COX7B2: variants seen among roughly 807,000 people sequenced by gnomAD.
COX7B2 encodes the protein cytochrome c oxidase subunit 7B2, mitochondrial.
For synonymous variants in COX7B2, 37 were observed against 32.1 expected (o/e 1.15, Z -0.51); for missense variants, 109 against 95.9 (o/e 1.14, Z -0.57).
intron 1 of COX7B2, among the ~76,000 whole-genome samples, chr4:46,867,376 A>C (rs1242345533): frequency 6.6e-6 from 1 of 152,182 alleles, no homozygotes; most frequent in East Asian, 1.9e-4. Context: ...GACCAGATGA[A>C]ATCAAGAAAC....
At chr4:46,788,105 A>G (rs1325026615) in intron 2 of COX7B2, among the ~76,000 whole-genome samples, 1 of 152,196 alleles carries the variant, frequency 6.6e-6, no homozygotes, top group Non-Finnish European at 1.5e-5. Context: ...AAAACAAGAG[A>G]AAAAAAGTAA....
At chr4:46,761,629 G>A (rs889952436) in intron 2 of COX7B2, among the ~76,000 whole-genome samples, 5 of 152,028 alleles carry the variant, frequency 3.3e-5, no homozygotes, top group South Asian at 2.1e-4. Flanking sequence ...TCTGAAATCC[G>A]AATGTTTGGA....
chr4:46,836,053 G>C (rs1270171206), intron 2 of COX7B2, among the ~76,000 whole-genome samples: 2 of 152,186 alleles, frequency 1.3e-5, no homozygotes, highest in Non-Finnish European at 2.9e-5. Flanking sequence ...GAGCTTGCAA[G>C]ACTGGAAATT....
At chr4:46,873,540 G>A (rs1718136348) in intron 1 of COX7B2, among the ~76,000 whole-genome samples, 1 of 151,976 alleles carries the variant, frequency 6.6e-6, no homozygotes, top group Non-Finnish European at 1.5e-5. Flanking sequence ...ATCTCATTGT[G>A]GTTTTGATTT....
chr4:46,780,238 C>T (rs1000963620), intron 2 of COX7B2, among the ~76,000 whole-genome samples: 7 of 152,116 alleles, frequency 4.6e-5, no homozygotes, highest in South Asian at 2.1e-4. Flanking sequence ...CCCTGCTGGC[C>T]GGGCACGGTG....
intron 1 of COX7B2, among the ~76,000 whole-genome samples, chr4:46,851,788 C>G (rs756410504): frequency 6.6e-6 from 1 of 151,960 alleles, no homozygotes. Flanking sequence ...ATTACAATGA[C>G]GTTATGTATT....
intron 2 of COX7B2, among the ~76,000 whole-genome samples, chr4:46,770,757 G>A (rs897543586): frequency 2.0e-5 from 3 of 152,074 alleles, no homozygotes; most frequent in Admixed American, 6.5e-5. Context: ...CTGGTGTTGG[G>A]AAAATTGTTT....
chr4:46,838,770 T>C (rs1473152223), intron 2 of COX7B2, among the ~76,000 whole-genome samples: 1 of 152,074 alleles, frequency 6.6e-6, no homozygotes, highest in African/African-American at 2.4e-5. Context: ...TTGGAAGAAG[T>C]GGTAATGTGC....
At chr4:46,786,098 A>G (rs1332952180) in intron 2 of COX7B2, among the ~76,000 whole-genome samples, 1 of 152,240 alleles carries the variant, frequency 6.6e-6, no homozygotes, top group African/African-American at 2.4e-5. Flanking sequence ...GATTAAAAAA[A>G]AAATGAAAAC....
chr4:46,777,087 G>T lies in COX7B2; in HGVS notation c.-49-41846C>A, dbSNP rs533468485. On this transcript the variant is annotated intron_variant, in intron 2 of 2. Transcript: ENST00000355591. ...CATCCAGAGTAAATGTAATATATAT[G>T]TGTGTTAGTAAGCTCATGCCATGGT... 4.3e-4 allele frequency among the ~76,000 whole-genome samples: 65 copies of T among 152,214 alleles called. No homozygotes were observed. In the South Asian group the frequency reaches 7.5e-3, roughly 17 times the overall value.
At chr4:46,758,959 CT>C in intron 2 of COX7B2, among the ~76,000 whole-genome samples, 1 of 152,194 alleles carries the variant, frequency 6.6e-6, no homozygotes, top group Non-Finnish European at 1.5e-5. Context: ...TCAAAACTGC[CT>C]AAAGGGGCAC....
chr4:46,888,495 G>A (rs1419153626), intron 1 of COX7B2, among the ~76,000 whole-genome samples: 1 of 151,108 alleles, frequency 6.6e-6, no homozygotes, highest in African/African-American at 2.4e-5. Flanking sequence ...CCAGGCTGGA[G>A]TGCAGTGGCG....
At chr4:46,762,005 C>T (rs1286164075) in intron 2 of COX7B2, among the ~76,000 whole-genome samples, 1 of 151,116 alleles carries the variant, frequency 6.6e-6, no homozygotes, top group Non-Finnish European at 1.5e-5. Flanking sequence ...CTCATAAATG[C>T]TAGTGTCAGC....
intron 1 of COX7B2, among the ~76,000 whole-genome samples, chr4:46,850,921 T>A (rs1334090878): frequency 6.6e-6 from 1 of 152,104 alleles, no homozygotes; most frequent in Non-Finnish European, 1.5e-5. Context: ...TGACATTCAA[T>A]GAGGACCGGT....
chr4:46,739,733 C>T (rs1007000305), intron 2 of COX7B2, among the ~76,000 whole-genome samples: 3 of 152,000 alleles, frequency 2.0e-5, no homozygotes, highest in African/African-American at 7.2e-5. Context: ...AACGTAAGCA[C>T]ACAGGCTGGA....
At chr4:46,760,299 A>G (rs1035412628) in intron 2 of COX7B2, among the ~76,000 whole-genome samples, 1 of 152,164 alleles carries the variant, frequency 6.6e-6, no homozygotes, top group African/African-American at 2.4e-5. Context: ...AAAGACTTGG[A>G]ACCAACCCAA....
At chr4:46,813,820 T>C (rs1719411794) in intron 2 of COX7B2, among the ~76,000 whole-genome samples, 1 of 151,888 alleles carries the variant, frequency 6.6e-6, no homozygotes, top group African/African-American at 2.4e-5. Context: ...ACCCAGAATA[T>C]AAAAGAAACA....
chr4:46,791,849 G>C (rs1266118233), intron 2 of COX7B2, among the ~76,000 whole-genome samples: 1 of 152,120 alleles, frequency 6.6e-6, no homozygotes, highest in Admixed American at 6.5e-5. Flanking sequence ...GTGAGTTCCA[G>C]TTTGCACCCA....
intron 2 of COX7B2, among the ~76,000 whole-genome samples, chr4:46,784,206 T>C (rs1374309483): frequency 6.6e-6 from 1 of 152,120 alleles, no homozygotes; most frequent in East Asian, 1.9e-4. Context: ...CAGAAAAACA[T>C]ACAATGAGTA....
Sources: gnomAD v4.1 joint callset for allele counts (sites outside exome capture counted in the v4.1 genomes callset) on GRCh38, gnomAD v4.1.1 for gene constraint, MANE v1.5 for transcripts, NCBI Gene and HGNC (gene_info 2026-07-23, HGNC 2026-07-21) for gene names.